Variants in SCFD2 observed in about 807,000 individuals in gnomAD.
SCFD2 encodes the protein sec1 family domain containing 2, also known as sec1 family domain-containing protein 2.
In SCFD2, 54 loss-of-function variants were observed where a neutral mutation model predicts 58.9. The observed-to-expected ratio is 0.92, with a 90% CI of 0.74 to 1.15. The LOEUF (loss-of-function observed/expected upper bound fraction) is 1.15. Ranked by LOEUF, SCFD2 falls within the 50% of genes most tolerant of loss-of-function variation. SCFD2 has a pLI of 0.00. For missense variants in SCFD2, 805 were observed against 836.6 expected (o/e 0.96, Z 0.47); for synonymous variants, 321 against 335.9 (o/e 0.96, Z 0.49).
intron 4 of SCFD2, among the ~76,000 whole-genome samples, chr4:53,254,340 C>T (rs1250327145): frequency 2.6e-5 from 4 of 152,104 alleles, no homozygotes; most frequent in South Asian, 4.1e-4. Flanking sequence ...TGCCTGGCAG[C>T]GTTTCCCCTG....
intron 5 of SCFD2, among the ~76,000 whole-genome samples, chr4:53,007,889 G>C (rs534712885): frequency 6.6e-6 from 1 of 152,324 alleles, no homozygotes; most frequent in Admixed American, 6.5e-5. Context: ...TAAGAGCTAG[G>C]AGATCTCAAG....
intron 4 of SCFD2, among the ~76,000 whole-genome samples, chr4:53,264,067 G>C (rs1441497344): frequency 6.6e-6 from 1 of 152,154 alleles, no homozygotes; most frequent in Non-Finnish European, 1.5e-5. Flanking sequence ...AGATCACCAG[G>C]GAAAAGGGGT....
chr4:53,263,186 G>A (rs1456213268), intron 4 of SCFD2, among the ~76,000 whole-genome samples: 3 of 151,764 alleles, frequency 2.0e-5, no homozygotes, highest in Admixed American at 1.3e-4. Context: ...TCTTTAAGTT[G>A]GACTTCACCT....
chr4:53,234,386 T>A lies in SCFD2; in HGVS notation c.1311+39440A>T, dbSNP rs536171817. 2.0e-5 allele frequency among the ~76,000 whole-genome samples: 3 copies of A among 152,324 alleles called. No individual in the cohort carries two copies. In the South Asian group the frequency reaches 6.2e-4, roughly 32 times the overall value. The stretch of plus-strand genomic sequence containing the variant: ...GAGAAGGTGATGGAGAGATTTATAT[T>A]TCTTGGAAGTAGTAAAGTTTATTAA... On this transcript the variant is annotated intron_variant, in intron 4 of 8. Coordinates refer to ENST00000401642, the MANE Select transcript of SCFD2 (RefSeq NM_152540.4).
At chr4:53,147,264 C>G (rs973942064) in intron 4 of SCFD2, among the ~76,000 whole-genome samples, 1 of 152,210 alleles carries the variant, frequency 6.6e-6, no homozygotes, top group Non-Finnish European at 1.5e-5. Context: ...CCAATAGAAA[C>G]TCTTCCTCTT....
At chr4:53,292,878 G>A (rs1731889958) in intron 3 of SCFD2, among the ~76,000 whole-genome samples, 1 of 151,730 alleles carries the variant, frequency 6.6e-6, no homozygotes, top group Non-Finnish European at 1.5e-5. Context: ...AGGGGTTGGG[G>A]GGCAAGAGGA....
intron 2 of SCFD2, among the ~76,000 whole-genome samples, chr4:53,321,577 A>T (rs1733029073): frequency 6.6e-6 from 1 of 152,146 alleles, no homozygotes. Context: ...CAAAAAACCC[A>T]AACAATTTCA....
intron 3 of SCFD2, among the ~76,000 whole-genome samples, chr4:53,285,041 G>A (rs1362395240): frequency 6.6e-6 from 1 of 152,178 alleles, no homozygotes; most frequent in Non-Finnish European, 1.5e-5. Context: ...ATTCAAATGG[G>A]TTTAAAATTC....
At chr4:53,289,170 G>C (rs1731760729) in intron 3 of SCFD2, among the ~76,000 whole-genome samples, 1 of 152,036 alleles carries the variant, frequency 6.6e-6, no homozygotes, top group African/African-American at 2.4e-5. Context: ...TTTGAGACCA[G>C]CCTGACCAAC....
rs141456074 is a variant in SCFD2, at chr4:53,310,531, T to C, written c.1135+3105A>G. Among the ~76,000 whole-genome samples the C allele has an allele frequency of 4.7e-3, 714 of 152,338 alleles. 4 individuals are homozygous for C. The highest frequency in any genetic ancestry group is 0.016 in the African/African-American group (666 of 41,572). ...TGGATTTCTAATGGTCTATTTGTTTTGTTACTTTCAGAATACATTTTTCAT... is the reference window on the plus strand; with the variant it reads ...TGGATTTCTAATGGTCTATTTGTTTCGTTACTTTCAGAATACATTTTTCAT... On this transcript the variant is annotated intron_variant, in intron 3 of 8. Transcript: ENST00000401642.
chr4:53,200,644 CTT>C lies in SCFD2; in HGVS notation c.1312-55064_1312-55063del, dbSNP rs575225755. Among the ~76,000 whole-genome samples the C allele has an allele frequency of 1.3e-3, 199 of 152,218 alleles. 1 individual carries two copies. The highest frequency in any genetic ancestry group is 4.4e-3 in the African/African-American group (184 of 41,558). On this transcript the variant is annotated intron_variant, in intron 4 of 8. Coordinates refer to ENST00000401642, the MANE Select transcript of SCFD2 (RefSeq NM_152540.4). Reference sequence around the variant, plus strand: ...AGCGCTTGTCTCGTAACTGAAAAAACTTTTCCTCTATGAGGTAGACTATCTGG... The same window carrying C: ...AGCGCTTGTCTCGTAACTGAAAAAACTTCCTCTATGAGGTAGACTATCTGG...
At chr4:52,982,613 C>A (rs1721400776) in intron 5 of SCFD2, among the ~76,000 whole-genome samples, 1 of 152,128 alleles carries the variant, frequency 6.6e-6, no homozygotes, top group African/African-American at 2.4e-5. Context: ...TGTTATTTAT[C>A]CAATCTCTAA....
intron 4 of SCFD2, among the ~76,000 whole-genome samples, chr4:53,233,875 C>CTTT (rs1438126894): frequency 1.3e-4 from 19 of 147,680 alleles, no homozygotes; most frequent in African/African-American, 4.0e-4. Flanking sequence ...TAAAAGCTTA[C>CTTT]TGAGGAGTAA....
chr4:52,931,221 T>C (rs897175999), intron 5 of SCFD2, among the ~76,000 whole-genome samples: 1 of 152,228 alleles, frequency 6.6e-6, no homozygotes, highest in Non-Finnish European at 1.5e-5. Context: ...AAGTCCCCTT[T>C]CAAAGTGTGT....
chr4:53,170,657 A>T (rs73250942), intron 4 of SCFD2, among the ~76,000 whole-genome samples: 2,426 of 152,276 alleles, frequency 0.016, 37 homozygotes, highest in Non-Finnish European at 0.025. Context: ...AATTCTTCCA[A>T]TACATGAGCG....
chr4:53,346,374 A>T (rs1734059958), intron 2 of SCFD2, among the ~76,000 whole-genome samples: 1 of 150,806 alleles, frequency 6.6e-6, no homozygotes, highest in African/African-American at 2.4e-5. Context: ...TCCTGGGTTC[A>T]AGCGATTCTT....
rs188582414 is a variant in SCFD2, at chr4:52,969,579, A to T, written c.1562-48709T>A. ...GGCTGGTGGAAAGGAAGCTGGGGTG[A>T]TGGGTGTTACTTCCAGACAGGACTC... On this transcript the variant is annotated intron_variant, in intron 5 of 8. Coordinates refer to ENST00000401642, the MANE Select transcript of SCFD2 (RefSeq NM_152540.4). Among the ~76,000 whole-genome samples the T allele has an allele frequency of 4.1e-3, 625 of 152,248 alleles. 13 individuals are homozygous for T. The highest frequency in any genetic ancestry group is 0.029 in the Admixed American group (449 of 15,284).
chr4:53,354,315 G>T (rs577542697), intron 1 of SCFD2, among the ~76,000 whole-genome samples: 1 of 152,360 alleles, frequency 6.6e-6, no homozygotes, highest in South Asian at 2.1e-4. Context: ...ACCCTCTGCA[G>T]CTGCTGGCCC....
At chr4:52,970,036 G>A (rs139814517) in intron 5 of SCFD2, among the ~76,000 whole-genome samples, 179 of 152,294 alleles carry the variant, frequency 1.2e-3, no homozygotes, top group African/African-American at 3.7e-3. Context: ...CAATTGGGGC[G>A]TGGAGCCAAG....
Sources: gnomAD v4.1 joint callset for allele counts (sites outside exome capture counted in the v4.1 genomes callset) on GRCh38, gnomAD v4.1.1 for gene constraint, MANE v1.5 for transcripts, NCBI Gene and HGNC (gene_info 2026-07-23, HGNC 2026-07-21) for gene names.